The following CDKL5 variants were observed in gnomAD, a reference collection of about 807,000 sequenced individuals.
CDKL5 encodes cyclin dependent kinase like 5.
Under a neutral mutation model 61.7 loss-of-function variants are expected in CDKL5, and 8 were observed. The observed-to-expected ratio is 0.13, with a 90% CI of 0.08 to 0.23. The LOEUF is 0.23. Among genes scored for constraint, CDKL5 ranks in the 10% least tolerant of loss-of-function variants. CDKL5 has a pLI of 1.00. For missense variants in CDKL5, 440 were observed against 734.5 expected (o/e 0.60, Z 4.63); for synonymous variants, 275 against 272.3 (o/e 1.01, Z -0.10).
At chrX:18,652,076 ACTG>A (rs1181930958) in intron 21 of CDKL5, among the ~76,000 whole-genome samples, 1 of 109,561 alleles carries the variant, frequency 9.1e-6, no homozygotes, top group Non-Finnish European at 1.9e-5. Context: ...GGCATACTTC[ACTG>A]CCATCTCCCC....
intron 1 of CDKL5, among the ~76,000 whole-genome samples, chrX:18,471,562 G>A (rs1424329237): frequency 2.7e-5 from 3 of 109,711 alleles, no homozygotes; most frequent in African/African-American, 9.9e-5. Flanking sequence ...TTGTAGAGAC[G>A]AGGTCTCCTT....
chrX:18,587,283 G>C (rs770534108), intron 8 of CDKL5, among the ~76,000 whole-genome samples: 1 of 111,289 alleles, frequency 9.0e-6, no homozygotes, highest in Non-Finnish European at 1.9e-5. Flanking sequence ...CACTCCTAAA[G>C]CCCTCTGGTA....
intron 7 of CDKL5, among the ~76,000 whole-genome samples, 171 bp downstream of exon 7, chrX:18,582,121 T>C (rs1013832600): frequency 2.7e-5 from 3 of 111,874 alleles, no homozygotes; most frequent in Non-Finnish European, 5.7e-5. Flanking sequence ...AGTACTGCTC[T>C]CTTCAGAGTA....
At position 18,447,949 on chromosome X, in the gene CDKL5, T is replaced by C. The variant is rs748769768; in HGVS notation, c.-163+22254T>C. On this transcript the variant is annotated intron_variant, in intron 1 of 17. Transcript: ENST00000623535. ...CCTCACCCTGTAAAAACGGGGTTTCTCTGTGTTGCCCAGGCTGGTCTCAGA... is the reference window on the plus strand; with the variant it reads ...CCTCACCCTGTAAAAACGGGGTTTCCCTGTGTTGCCCAGGCTGGTCTCAGA... 1.1e-4 allele frequency among the ~76,000 whole-genome samples: 12 copies of C among 110,779 alleles called. No individual in the cohort carries two copies. The East Asian group carries it at 3.4e-3, about 32-fold the overall frequency.
intron 4 of CDKL5, among the ~76,000 whole-genome samples, chrX:18,568,198 G>A (rs957953821): frequency 1.8e-5 from 2 of 111,688 alleles, no homozygotes; most frequent in African/African-American, 3.3e-5. Flanking sequence ...CTGATATCAC[G>A]GAATATTTTG....
intron 3 of CDKL5, among the ~76,000 whole-genome samples, chrX:18,537,842 C>G (rs1203576990): frequency 8.9e-6 from 1 of 112,368 alleles, no homozygotes; most frequent in Non-Finnish European, 1.9e-5. Context: ...CAATAGTTTG[C>G]TCTTTTTTAT....
At chrX:18,618,506 T>G (rs750364486) in intron 15 of CDKL5, among the ~76,000 whole-genome samples, 1 of 112,035 alleles carries the variant, frequency 8.9e-6, no homozygotes, top group Admixed American at 9.5e-5. Flanking sequence ...GAATGCTGTG[T>G]CTTGGAGTTT....
At chrX:18,618,763 GT>G (rs1926796277) in intron 15 of CDKL5, among the ~76,000 whole-genome samples, 1 of 111,477 alleles carries the variant, frequency 9.0e-6, no homozygotes, top group African/African-American at 3.3e-5. Flanking sequence ...GAGGTCAGGA[GT>G]TCGAGACCAG....
intron 1 of CDKL5, among the ~76,000 whole-genome samples, chrX:18,454,356 C>T (rs1932092790): frequency 9.3e-6 from 1 of 107,605 alleles, no homozygotes; most frequent in Non-Finnish European, 1.9e-5. Context: ...TGTGTGTCAA[C>T]CTCCCGAGTA....
chrX:18,642,027 C>T, downstream of CDKL5: 1 of 1,211,409 alleles, frequency 8.3e-7, no homozygotes. Flanking sequence ...CTGACGCACT[C>T]CAGCAGCTCC....
At chrX:18,518,598 G>A (rs1281314565) in intron 3 of CDKL5, among the ~76,000 whole-genome samples, 1 of 106,507 alleles carries the variant, frequency 9.4e-6, no homozygotes, top group African/African-American at 3.4e-5. Context: ...TAGAGATGGC[G>A]TTTTACCATG....
chrX:18,482,526 G>C (rs894170509), intron 1 of CDKL5, among the ~76,000 whole-genome samples: 1 of 111,230 alleles, frequency 9.0e-6, no homozygotes, highest in Non-Finnish European at 1.9e-5. Context: ...TTTTGTGTGT[G>C]TATTGTTTCT....
intron 1 of CDKL5, among the ~76,000 whole-genome samples, chrX:18,427,391 A>C (rs1931391160): frequency 9.1e-6 from 1 of 109,744 alleles, no homozygotes. Flanking sequence ...TGCTGCCAGC[A>C]CTGTATGCTG....
Position 18,632,330 on chromosome X carries a change from C to T in CDKL5, c.*3573C>T, listed in dbSNP as rs1927260034. On this transcript the variant is annotated 3_prime_UTR_variant, in exon 18 of 18. Coordinates refer to ENST00000623535, the MANE Select transcript of CDKL5 (RefSeq NM_001323289.2). ...GAGTTACTTTATAGGTGTTGGAGAACTTAAATTCTAGGTTAGCATCCTTAG... is the reference window on the plus strand; with the variant it reads ...GAGTTACTTTATAGGTGTTGGAGAATTTAAATTCTAGGTTAGCATCCTTAG... 6 of 751,737 alleles carry T rather than the reference C, an allele frequency of 8.0e-6. No homozygotes were observed. The highest frequency in any genetic ancestry group is 9.4e-6 in the Non-Finnish European group (6 of 638,249). 62.0% of individuals were successfully genotyped at this position (751,737 alleles called of 1,213,427 possible).
rs1926288226 is a variant in CDKL5, at chrX:18,604,502, T to C, written c.1578T>C (p.Ser526=). 8.3e-7 allele frequency: 1 copy of C among 1,211,743 alleles called. No individual in the cohort carries two copies. Among genetic ancestry groups the C allele is most frequent in the East Asian group, 3.0e-5 (1 of 33,841 alleles). The change falls in exon 12 of 18, where the codon TCT becomes TCC. Residue 526 remains serine (S), a synonymous_variant. Transcript: ENST00000623535. ...CATCTAGCTGCTTAGACTTGAATTC[T>C]CCCACCAGCCCAACCCCCACCAGAC... is the stretch of plus-strand genomic sequence containing the variant. ...YFPSSCLDLN[S]PTSPTPTRHS...
rs1389774173 is a variant in CDKL5 at position 18,604,208 on chromosome X, C to A, written c.1284C>A (p.Gly428=). Residue 428 remains glycine (G), a synonymous_variant, in exon 12 of 18, where the codon GGC becomes GGA. Coordinates refer to ENST00000623535, the MANE Select transcript of CDKL5 (RefSeq NM_001323289.2). ...ATATTGACCCAAAGCCTTCAGAAGGCCCAGGGACAAAGTACCTCAAGTCAA... is the reference window on the plus strand; with the variant it reads ...ATATTGACCCAAAGCCTTCAGAAGGACCAGGGACAAAGTACCTCAAGTCAA... ...DFNIDPKPSE[G]PGTKYLKSNS... 2.5e-6 allele frequency: 3 copies of A among 1,211,278 alleles called. No individual in the cohort carries two copies. In the East Asian group the frequency reaches 8.9e-5, roughly 36 times the overall value.
chrX:18,566,783 TG>T (rs758768405), intron 4 of CDKL5, among the ~76,000 whole-genome samples: 6 of 111,948 alleles, frequency 5.4e-5, no homozygotes, highest in Non-Finnish European at 1.1e-4. Flanking sequence ...GACGTGGTAT[TG>T]GGAGTTCATG....
intron 1 of CDKL5, among the ~76,000 whole-genome samples, chrX:18,441,114 A>G (rs1569183231): frequency 9.0e-6 from 1 of 111,191 alleles, no homozygotes; most frequent in Non-Finnish European, 1.9e-5. Flanking sequence ...TCAGGTCACA[A>G]TACTATAAAT....
intron 1 of CDKL5, among the ~76,000 whole-genome samples, chrX:18,448,777 C>T (rs1052477128): frequency 1.8e-5 from 2 of 112,293 alleles, no homozygotes; most frequent in African/African-American, 6.5e-5. Flanking sequence ...TCCCTACTTC[C>T]TCTATTTTAT....
Sources: allele counts gnomAD v4.1 joint callset (sites outside exome capture counted in the v4.1 genomes callset), GRCh38; gene constraint gnomAD v4.1.1; transcripts MANE v1.5; gene names NCBI Gene and HGNC (gene_info 2026-07-23, HGNC 2026-07-21).